CTNNA2: variants seen among roughly 807,000 people sequenced by gnomAD.
CTNNA2 encodes the protein catenin alpha 2, also known as catenin alpha-2.
CTNNA2 carries 42 observed loss-of-function variants against 101.0 expected under a neutral mutation model. The ratio of observed to expected loss-of-function variants is 0.42; its 90% CI spans 0.32 to 0.54. CTNNA2 has a LOEUF of 0.54. Ranked by LOEUF, CTNNA2 falls within the 20% of genes least tolerant of loss-of-function variation. The pLI is 0.14. For missense variants in CTNNA2, 871 were observed against 1,223.1 expected (o/e 0.71, Z 4.29); for synonymous variants, 450 against 456.4 (o/e 0.99, Z 0.18).
At chr2:79,708,792 T>C (rs1184628304) in intron 2 of CTNNA2, among the ~76,000 whole-genome samples, 2 of 152,200 alleles carry the variant, frequency 1.3e-5, no homozygotes, top group African/African-American at 2.4e-5. Context: ...ATAGTTCATC[T>C]TGATCAAAAT....
At chr2:80,485,098 G>A (rs368502433) in intron 9 of CTNNA2, among the ~76,000 whole-genome samples, 71 of 152,276 alleles carry the variant, frequency 4.7e-4, no homozygotes, top group African/African-American at 1.6e-3. Context: ...GTTTGTAAGT[G>A]TACGTGTGTG....
intron 7 of CTNNA2, among the ~76,000 whole-genome samples, chr2:80,250,142 C>T (rs148662687): frequency 6.9e-4 from 104 of 151,250 alleles, no homozygotes; most frequent in Non-Finnish European, 1.2e-3. Context: ...ATTTCTGACA[C>T]GATACACACA....
chr2:80,424,983 G>A (rs1167786416), intron 9 of CTNNA2, among the ~76,000 whole-genome samples: 4 of 152,148 alleles, frequency 2.6e-5, no homozygotes, highest in Admixed American at 2.6e-4. Context: ...TCAGCCCTAT[G>A]AGATTGCTGA....
chr2:80,164,637 TC>T (rs1034829266), intron 7 of CTNNA2, among the ~76,000 whole-genome samples: 63 of 152,048 alleles, frequency 4.1e-4, no homozygotes, highest in African/African-American at 1.4e-3. Flanking sequence ...ATTCTAGCCT[TC>T]CCCCAACCCC....
At chr2:80,038,643 C>T (rs919030685) in intron 7 of CTNNA2, among the ~76,000 whole-genome samples, 4 of 152,122 alleles carry the variant, frequency 2.6e-5, no homozygotes, top group Middle Eastern at 3.4e-3. Flanking sequence ...GTCAGGAGTT[C>T]GAGACCAGCC....
At chr2:79,422,151 T>C (rs1678546700) in intron 4 of CTNNA2, among the ~76,000 whole-genome samples, 1 of 152,080 alleles carries the variant, frequency 6.6e-6, no homozygotes, top group South Asian at 2.1e-4. Flanking sequence ...AGACGCTGTC[T>C]CAAAAACAAA....
At chr2:79,308,703 G>T (rs560647767) in intron 2 of CTNNA2, among the ~76,000 whole-genome samples, 35 of 150,092 alleles carry the variant, frequency 2.3e-4, no homozygotes, top group African/African-American at 7.8e-4. Context: ...TGGGAGTCTG[G>T]TTTCATTCTC....
At chr2:79,746,208 G>A (rs1009376313) in intron 3 of CTNNA2, among the ~76,000 whole-genome samples, 4 of 151,666 alleles carry the variant, frequency 2.6e-5, no homozygotes, top group African/African-American at 2.4e-5. Context: ...TATTTTTTTC[G>A]GAGAAATATT....
intron 3 of CTNNA2, among the ~76,000 whole-genome samples, chr2:79,745,431 T>G (rs1279098996): frequency 6.7e-6 from 1 of 150,290 alleles, no homozygotes; most frequent in Non-Finnish European, 1.5e-5. Context: ...ACTCCATCTC[T>G]TAAAAAAAAA....
At position 79,961,821 on chromosome 2, in the gene CTNNA2, CAAAAA is replaced by C. The variant is rs35063153; in HGVS notation, c.1056+52042_1056+52046del. Among the ~76,000 whole-genome samples, 770 of 86,862 alleles carry C rather than the reference CAAAAA, an allele frequency of 8.9e-3. 5 individuals are homozygous for C. Among genetic ancestry groups the C allele is most frequent in the African/African-American group, 0.033 (724 of 22,122 alleles). 57.0% of individuals were successfully genotyped at this position (86,862 alleles called of 152,430 possible). A position where few individuals can be genotyped will look rare whatever the true frequency, so the allele number is the denominator to read the frequency against. ...TGGGTGACAGAGCGAGACTCCGTCT[CAAAAA>C]AAAAAAAAAAAAAAAAAGCTGGCTC... On this transcript the variant is annotated intron_variant, in intron 7 of 18. Transcript: ENST00000402739.
At chr2:80,254,729 A>G (rs1672007701) in intron 7 of CTNNA2, among the ~76,000 whole-genome samples, 1 of 152,196 alleles carries the variant, frequency 6.6e-6, no homozygotes, top group Non-Finnish European at 1.5e-5. Flanking sequence ...TACTAAATTT[A>G]GAAAAGCATT....
At chr2:80,417,245 CTT>C (rs1680125386) in intron 8 of CTNNA2, among the ~76,000 whole-genome samples, 1 of 150,088 alleles carries the variant, frequency 6.7e-6, no homozygotes, top group Non-Finnish European at 1.5e-5. Context: ...TATTAATCAT[CTT>C]ATATACTTTT....
chr2:79,457,562 A>G (rs1275415206), intron 4 of CTNNA2, among the ~76,000 whole-genome samples: 1 of 152,204 alleles, frequency 6.6e-6, no homozygotes, highest in African/African-American at 2.4e-5. Context: ...CATATCCTGT[A>G]AAACCAGAGC....
intron 7 of CTNNA2, among the ~76,000 whole-genome samples, chr2:80,220,346 A>G (rs1234786520): frequency 6.6e-6 from 1 of 152,242 alleles, no homozygotes; most frequent in Non-Finnish European, 1.5e-5. Context: ...TAGAAGACTC[A>G]TCAGCTTTTA....
chr2:79,466,193 T>G (rs967194402), intron 4 of CTNNA2, among the ~76,000 whole-genome samples: 1 of 152,194 alleles, frequency 6.6e-6, no homozygotes, highest in African/African-American at 2.4e-5. Context: ...ACCCTAATAC[T>G]GCGCTTTTCC....
chr2:79,286,941 G>A (rs575100099), intron 2 of CTNNA2, among the ~76,000 whole-genome samples: 2 of 152,106 alleles, frequency 1.3e-5, no homozygotes, highest in African/African-American at 4.8e-5. Flanking sequence ...TTTCTTGGAG[G>A]CTTTGCTCAT....
intron 11 of CTNNA2, among the ~76,000 whole-genome samples, chr2:80,552,139 A>C (rs548996902): frequency 2.5e-4 from 38 of 152,196 alleles, no homozygotes; most frequent in Non-Finnish European, 4.3e-4. Context: ...TGATGCCCCA[A>C]AACAATTGCA....
intron 15 of CTNNA2, 67 bp from the exon 16 acceptor site, chr2:80,604,007 A>T (rs1697781118): frequency 3.0e-6 from 4 of 1,334,460 alleles, no homozygotes; most frequent in African/African-American, 2.9e-5. Context: ...TGGACAAAGG[A>T]TATGGTAGGT....
At chr2:79,954,027 A>G (rs1417439213) in intron 7 of CTNNA2, among the ~76,000 whole-genome samples, 1 of 152,180 alleles carries the variant, frequency 6.6e-6, no homozygotes, top group African/African-American at 2.4e-5. Flanking sequence ...GGTTTAGTTG[A>G]CTCACAGTTC....
Sources: allele counts gnomAD v4.1 joint callset (sites outside exome capture counted in the v4.1 genomes callset), GRCh38; gene constraint gnomAD v4.1.1; transcripts MANE v1.5; gene names NCBI Gene and HGNC (gene_info 2026-07-23, HGNC 2026-07-21).